RSPO2: variants seen among roughly 807,000 people sequenced by gnomAD.
RSPO2 encodes R-spondin 2.
In RSPO2, 14 loss-of-function variants were observed where a neutral mutation model predicts 30.9. The ratio of observed to expected loss-of-function variants is 0.45; its 90% CI spans 0.30 to 0.71. RSPO2 has a LOEUF of 0.71. Among genes scored for constraint, RSPO2 ranks in the 30% least tolerant of loss-of-function variants. The pLI is 0.08. For missense variants in RSPO2, 264 were observed against 301.9 expected (o/e 0.87, Z 0.93); for synonymous variants, 107 against 96.4 (o/e 1.11, Z -0.64).
chr8:107,980,895 G>T (rs949888348), intron 3 of RSPO2, among the ~76,000 whole-genome samples: 4 of 152,144 alleles, frequency 2.6e-5, no homozygotes, highest in Non-Finnish European at 5.9e-5. Context: ...TTTATGTAAT[G>T]ATGCTATCTA....
chr8:108,003,291 ATATATATATATATATATATATTT>A (rs1815320255), intron 2 of RSPO2, among the ~76,000 whole-genome samples: 3 of 31,930 alleles, frequency 9.4e-5, no homozygotes, highest in Non-Finnish European at 1.6e-4. Flanking sequence ...ATATATATAT[ATATATATATATATATATATATTT>A]TTTTTTTTTT....
chr8:107,991,427 A>G (rs1189249217), intron 2 of RSPO2, among the ~76,000 whole-genome samples: 1 of 152,204 alleles, frequency 6.6e-6, no homozygotes, highest in Non-Finnish European at 1.5e-5. Flanking sequence ...ACTTAAAGGT[A>G]AAACCCAGAA....
intron 2 of RSPO2, among the ~76,000 whole-genome samples, chr8:108,005,123 T>A (rs533808030): frequency 6.6e-6 from 1 of 152,248 alleles, no homozygotes; most frequent in South Asian, 2.1e-4. Flanking sequence ...TTGTCTGATG[T>A]TCCCTCATGA....
rs139768833 is a variant in RSPO2, at chr8:108,029,222, TTTGTG to T, written c.95-39983_95-39979del. 2.0e-3 allele frequency among the ~76,000 whole-genome samples: 309 copies of T among 152,020 alleles called. 2 individuals are homozygous for T. The highest frequency in any genetic ancestry group is 7.0e-3 in the African/African-American group (289 of 41,492). ...GCCATACTTATTCCTTTACATATTGTTTGTGTCTGCTTTTGCACTACAATGGCAGA... is the reference window on the plus strand; with the variant it reads ...GCCATACTTATTCCTTTACATATTGTTCTGCTTTTGCACTACAATGGCAGA... On this transcript the variant is annotated intron_variant, in intron 2 of 5. Coordinates refer to ENST00000276659, the MANE Select transcript of RSPO2 (RefSeq NM_178565.5).
intron 3 of RSPO2, among the ~76,000 whole-genome samples, chr8:107,978,621 C>T (rs1814302546): frequency 6.6e-6 from 1 of 152,180 alleles, no homozygotes; most frequent in South Asian, 2.1e-4. Flanking sequence ...TAGGCAAGGG[C>T]AAGGACTTCA....
intron 5 of RSPO2, among the ~76,000 whole-genome samples, chr8:107,944,273 G>A (rs1335583615): frequency 1.3e-5 from 2 of 152,144 alleles, no homozygotes; most frequent in East Asian, 1.9e-4. Context: ...AATAACTGCT[G>A]AATAAAATGT....
chr8:107,913,629 G>T (rs1668918521), intron 5 of RSPO2, among the ~76,000 whole-genome samples: 1 of 152,116 alleles, frequency 6.6e-6, no homozygotes, highest in African/African-American at 2.4e-5. Context: ...TTCCAAGGTT[G>T]TAAGAAATCT....
At chr8:107,968,463 G>C (rs1317430298) in intron 3 of RSPO2, among the ~76,000 whole-genome samples, 1 of 152,050 alleles carries the variant, frequency 6.6e-6, no homozygotes, top group Non-Finnish European at 1.5e-5. Context: ...GGGATGAAGA[G>C]AAGTTAGTGA....
chr8:108,033,049 CAAAAAAAAAAAA>C (rs35774922), intron 2 of RSPO2, among the ~76,000 whole-genome samples: 6 of 68,766 alleles, frequency 8.7e-5, no homozygotes, highest in African/African-American at 1.2e-4. Flanking sequence ...GACTCTGTCT[CAAAAAAAAAAAA>C]AAAAAAAAAA....
chr8:107,972,291 G>A (rs890933005), intron 3 of RSPO2, among the ~76,000 whole-genome samples: 30 of 151,868 alleles, frequency 2.0e-4, no homozygotes, highest in African/African-American at 7.3e-4. Flanking sequence ...GATTACAGGT[G>A]CCTGCCACCA....
intron 5 of RSPO2, among the ~76,000 whole-genome samples, chr8:107,917,043 G>C (rs1275826438): frequency 2.6e-5 from 4 of 152,246 alleles, no homozygotes; most frequent in Middle Eastern, 3.4e-3. Flanking sequence ...CGTAATGAAA[G>C]GTTTTTGTTT....
intron 5 of RSPO2, among the ~76,000 whole-genome samples, chr8:107,946,510 G>C (rs897696009): frequency 1.3e-5 from 2 of 152,206 alleles, no homozygotes; most frequent in East Asian, 1.9e-4. Context: ...AAACCTGTGG[G>C]ACTGGGGCAC....
chr8:108,029,333 C>T (rs540714084), intron 2 of RSPO2, among the ~76,000 whole-genome samples: 1 of 151,926 alleles, frequency 6.6e-6, no homozygotes, highest in Non-Finnish European at 1.5e-5. Flanking sequence ...GTGATCCAAC[C>T]CCCTTCTAAG....
chr8:108,073,823 T>C (rs904627673), intron 2 of RSPO2, among the ~76,000 whole-genome samples: 1 of 152,210 alleles, frequency 6.6e-6, no homozygotes, highest in Non-Finnish European at 1.5e-5. Context: ...TGGCTTCATA[T>C]TGTTAAATAT....
intron 2 of RSPO2, among the ~76,000 whole-genome samples, chr8:108,028,048 C>T (rs988800081): frequency 6.6e-6 from 1 of 152,118 alleles, no homozygotes; most frequent in African/African-American, 2.4e-5. Context: ...ATGGGAGTTC[C>T]AAGTTCTTAG....
intron 2 of RSPO2, among the ~76,000 whole-genome samples, chr8:108,049,840 T>C (rs1397574260): frequency 2.0e-5 from 3 of 152,170 alleles, no homozygotes; most frequent in Admixed American, 6.6e-5. Flanking sequence ...TCTTTGCTAT[T>C]GTAAACAGTG....
intron 3 of RSPO2, among the ~76,000 whole-genome samples, chr8:107,986,351 A>G (rs1814632513): frequency 6.6e-6 from 1 of 152,214 alleles, no homozygotes; most frequent in African/African-American, 2.4e-5. Flanking sequence ...TCTCTAGGTC[A>G]GTAAACTCCA....
chr8:107,983,389 A>G (rs2130508356), intron 3 of RSPO2: 8 of 1,606,758 alleles, frequency 5.0e-6, no homozygotes, highest in Admixed American at 3.3e-5. Context: ...GAACACAGAC[A>G]AGGATGTAGC....
intron 2 of RSPO2, among the ~76,000 whole-genome samples, chr8:108,001,232 C>T (rs1465521810): frequency 1.3e-5 from 2 of 152,016 alleles, no homozygotes; most frequent in African/African-American, 2.4e-5. Context: ...TTTCCAAAAA[C>T]AGTCATGAAT....
Sources: gnomAD v4.1 joint callset for allele counts (sites outside exome capture counted in the v4.1 genomes callset) on GRCh38, gnomAD v4.1.1 for gene constraint, MANE v1.5 for transcripts, NCBI Gene and HGNC (gene_info 2026-07-23, HGNC 2026-07-21) for gene names.